Variants in DNAH11 observed in about 807,000 individuals in gnomAD.
The protein encoded by DNAH11 is axonemal beta dynein heavy chain 11.
Under a neutral mutation model 526.0 loss-of-function variants are expected in DNAH11, and 442 were observed. The ratio of observed to expected loss-of-function variants is 0.84; its 90% CI spans 0.78 to 0.91. The LOEUF is 0.91. Among genes scored for constraint, DNAH11 ranks in the 40% least tolerant of loss-of-function variants. The pLI is 0.00. For missense variants in DNAH11, 6,989 were observed against 5,448.7 expected (o/e 1.28, Z -8.90); for synonymous variants, 2,461 against 1,935.9 (o/e 1.27, Z -7.12).
At chr7:21,620,632 T>G (rs1786002640) in intron 25 of DNAH11, among the ~76,000 whole-genome samples, 1 of 151,746 alleles carries the variant, frequency 6.6e-6, no homozygotes, top group Non-Finnish European at 1.5e-5. Flanking sequence ...GTTACATATG[T>G]ATACATGTGC....
chr7:21,725,901 T>A lies in DNAH11; in HGVS notation c.7357T>A (p.Tyr2453Asn). 3 of 1,597,248 alleles carry A rather than the reference T, an allele frequency of 1.9e-6. No homozygotes were observed. The highest frequency in any genetic ancestry group is 2.6e-6 in the Non-Finnish European group (3 of 1,171,068). ...FPSQGTIFDY[Y>N]VDHKTKKLLP... is the part of the protein sequence containing the mutation. ...GTCGCAGGGAACAATCTTTGATTAT[T>A]ATGTGGACCACAAAACTAAGAAATT... is the stretch of plus-strand genomic sequence containing the variant. The change falls in exon 45 of 82, where the codon TAT becomes AAT. Residue 2453 changes from tyrosine to asparagine, a missense_variant. By Grantham distance (143) the Tyr-to-Asn change is moderately radical. Coordinates refer to ENST00000409508, the MANE Select transcript of DNAH11 (RefSeq NM_001277115.2).
At position 21,873,628 on chromosome 7, in the gene DNAH11, A is replaced by C. The variant is rs891412209; in HGVS notation, c.12195+127A>C. The C allele has an allele frequency of 3.3e-5, 29 of 870,536 alleles. No individual in the cohort carries two copies. The African/African-American group carries it at 3.9e-4, about 12-fold the overall frequency. The allele number at this position is 870,536 out of a possible 1,614,324, so 53.9% of individuals were successfully genotyped here. A position where few individuals can be genotyped will look rare whatever the true frequency, so the allele number is the denominator to read the frequency against. Reference sequence around the variant, plus strand: ...CAAGTTCTTAATGTTCGCATGTGGAAGGGTAGGGGTGGGCGTGTTTTAATC... The same window carrying C: ...CAAGTTCTTAATGTTCGCATGTGGACGGGTAGGGGTGGGCGTGTTTTAATC... On this transcript the variant is annotated intron_variant, in intron 74 of 81. Coordinates refer to ENST00000409508, the MANE Select transcript of DNAH11 (RefSeq NM_001277115.2).
intron 44 of DNAH11, among the ~76,000 whole-genome samples, chr7:21,725,454 G>T (rs917288701): frequency 6.6e-6 from 1 of 152,182 alleles, no homozygotes; most frequent in African/African-American, 2.4e-5. Flanking sequence ...ACAAAGGACA[G>T]TATTTAAATC....
At chr7:21,765,686 T>TTTCC in intron 55 of DNAH11, 97 bp downstream of exon 55, 1 of 1,385,656 alleles carries the variant, frequency 7.2e-7, no homozygotes, top group Non-Finnish European at 9.5e-7. Flanking sequence ...AGGTAAGTGC[T>TTTCC]TTCCACAGTA....
chr7:21,746,201 C>T (rs1166959819), intron 51 of DNAH11, among the ~76,000 whole-genome samples: 1 of 152,216 alleles, frequency 6.6e-6, no homozygotes, highest in Non-Finnish European at 1.5e-5. Context: ...ACATCCGATA[C>T]TGCTCTCCTA....
chr7:21,766,659 G>T (rs950845037), intron 55 of DNAH11, among the ~76,000 whole-genome samples: 1 of 150,242 alleles, frequency 6.7e-6, no homozygotes, highest in Non-Finnish European at 1.5e-5. Context: ...ATATTTAATT[G>T]TTTGTATGCA....
At chr7:21,831,287 G>C (rs1360699222) in intron 65 of DNAH11, among the ~76,000 whole-genome samples, 1 of 152,142 alleles carries the variant, frequency 6.6e-6, no homozygotes, top group African/African-American at 2.4e-5. Context: ...ACAACAAAGT[G>C]ATTCTGTTTG....
At chr7:21,588,370 A>G in intron 10 of DNAH11, 142 bp from the exon 11 acceptor site, 1 of 1,324,232 alleles carries the variant, frequency 7.6e-7, no homozygotes. Flanking sequence ...TTAGGACTGT[A>G]ACTCTTCTAG....
At chr7:21,712,488 A>G (rs990864959) in intron 42 of DNAH11, among the ~76,000 whole-genome samples, 6 of 152,152 alleles carry the variant, frequency 3.9e-5, no homozygotes, top group Non-Finnish European at 8.8e-5. Flanking sequence ...TTATATTCCC[A>G]CCAACAGTGT....
intron 56 of DNAH11, among the ~76,000 whole-genome samples, chr7:21,776,896 A>T (rs1439617279): frequency 6.6e-6 from 1 of 152,108 alleles, no homozygotes; most frequent in Non-Finnish European, 1.5e-5. Context: ...GCATTGGTAC[A>T]ATCCACAGAC....
intron 6 of DNAH11, among the ~76,000 whole-genome samples, chr7:21,566,490 T>C (rs1783670580): frequency 6.6e-6 from 1 of 152,112 alleles, no homozygotes; most frequent in Non-Finnish European, 1.5e-5. Context: ...TAACAAATAT[T>C]ATATAGTACT....
In DNAH11 at chr7:21,581,469, AAAAC is replaced by A. The variant is rs369191692; in HGVS notation, c.1594-428_1594-425del. Among the ~76,000 whole-genome samples the A allele has an allele frequency of 3.3e-4, 50 of 152,350 alleles. 1 individual carries two copies. The East Asian group carries it at 9.2e-3, about 28-fold the overall frequency. On this transcript the variant is annotated intron_variant, in intron 8 of 81. Coordinates refer to ENST00000409508, the MANE Select transcript of DNAH11 (RefSeq NM_001277115.2). ...CCGTGTAGATTTACAACTCCATGAAAAAACAAACAAAAACCCTTCCTATTTAAAC... is the reference window on the plus strand; with the variant it reads ...CCGTGTAGATTTACAACTCCATGAAAAAACAAAAACCCTTCCTATTTAAAC...
At chr7:21,601,277 A>G in intron 17 of DNAH11, 98 bp downstream of exon 17, 3 of 1,447,330 alleles carry the variant, frequency 2.1e-6, no homozygotes, top group South Asian at 1.4e-5. Flanking sequence ...CAGTTTCATG[A>G]TAGAGATAAA....
At chr7:21,779,185 C>T in intron 57 of DNAH11, 81 bp downstream of exon 57, 1 of 1,486,970 alleles carries the variant, frequency 6.7e-7, no homozygotes, top group Non-Finnish European at 9.0e-7. Flanking sequence ...TTTTGAACAA[C>T]TTCCTCTCCA....
intron 44 of DNAH11, among the ~76,000 whole-genome samples, chr7:21,722,016 A>G (rs1784896579): frequency 6.6e-6 from 1 of 152,094 alleles, no homozygotes; most frequent in Non-Finnish European, 1.5e-5. Flanking sequence ...CTGTGGGAAA[A>G]CACTTGAGAC....
chr7:21,710,571 T>C lies in DNAH11; in HGVS notation c.6702T>C (p.Phe2234=), dbSNP rs780203008. ...WKDGKIVYSY[F]IGLFSSILRE... is the part of the protein sequence containing the mutation. ...ATATTAGGATTGTTTACTCTTATTT[T>C]ATAGGTCTCTTCTCATCCATTCTAC... The change falls in exon 41 of 82, where the codon TTT becomes TTC. Residue 2234 remains phenylalanine (F), a synonymous_variant. Coordinates refer to ENST00000409508, the MANE Select transcript of DNAH11 (RefSeq NM_001277115.2). The C allele has an allele frequency of 1.2e-6, 2 of 1,610,216 alleles. No individual in the cohort carries two copies. Among genetic ancestry groups the C allele is most frequent in the Non-Finnish European group, 1.7e-6 (2 of 1,177,428 alleles).
At chr7:21,544,323 G>A (rs1326882599) in intron 1 of DNAH11, among the ~76,000 whole-genome samples, 1 of 152,154 alleles carries the variant, frequency 6.6e-6, no homozygotes, top group Non-Finnish European at 1.5e-5. Flanking sequence ...CACTAGGTGT[G>A]GTCATTGTAA....
chr7:21,895,742 CTTTT>C (rs572592408), intron 79 of DNAH11, among the ~76,000 whole-genome samples: 3 of 152,038 alleles, frequency 2.0e-5, no homozygotes, highest in African/African-American at 2.4e-5. Context: ...ACTTTTCTTT[CTTTT>C]TGAGACAGAG....
intron 57 of DNAH11, among the ~76,000 whole-genome samples, chr7:21,783,043 A>C (rs1281818712): frequency 6.6e-6 from 1 of 152,222 alleles, no homozygotes; most frequent in African/African-American, 2.4e-5. Context: ...AATGTTAACA[A>C]ACAGCATTTA....
Sources: gnomAD v4.1 joint callset for allele counts (sites outside exome capture counted in the v4.1 genomes callset) on GRCh38, gnomAD v4.1.1 for gene constraint, MANE v1.5 for transcripts, NCBI Gene and HGNC (gene_info 2026-07-23, HGNC 2026-07-21) for gene names.